The following MCTP2 variants were observed in gnomAD, a reference collection of about 807,000 sequenced individuals.
The protein encoded by MCTP2 is multiple C2 and transmembrane domain containing 2.
In MCTP2, 132 loss-of-function variants were observed where a neutral mutation model predicts 111.6. The observed-to-expected ratio is 1.18, with a 90% CI of 1.03 to 1.37. MCTP2 has a LOEUF of 1.37. MCTP2 is among the 40% of genes most tolerant of loss of function. The pLI is 0.00. For synonymous variants in MCTP2, 395 were observed against 387.7 expected (o/e 1.02, Z -0.22); for missense variants, 1,183 against 1,067.9 (o/e 1.11, Z -1.50).
intron 17 of MCTP2, among the ~76,000 whole-genome samples, chr15:94,411,662 A>G (rs2082156801): frequency 6.6e-6 from 1 of 152,168 alleles, no homozygotes; most frequent in African/African-American, 2.4e-5. Flanking sequence ...CCCTTTATCT[A>G]GGGGTTGTGT....
At chr15:94,414,509 A>G (rs2082292014) in intron 17 of MCTP2, among the ~76,000 whole-genome samples, 1 of 152,194 alleles carries the variant, frequency 6.6e-6, no homozygotes, top group Non-Finnish European at 1.5e-5. Context: ...AATGTTTATA[A>G]TAAATGGTAA....
At chr15:94,379,987 T>C (rs1195568702) in intron 12 of MCTP2, among the ~76,000 whole-genome samples, 2 of 151,138 alleles carry the variant, frequency 1.3e-5, no homozygotes. Context: ...AAGAAGGACT[T>C]ATCCATTTCT....
chr15:94,284,688 T>C (rs1191787970), intron 1 of MCTP2, among the ~76,000 whole-genome samples: 1 of 152,190 alleles, frequency 6.6e-6, no homozygotes, highest in Middle Eastern at 3.2e-3. Flanking sequence ...TGCTAGGGAA[T>C]GGTGGGAAAG....
At chr15:94,395,656 T>C (rs2081244802) in intron 14 of MCTP2, among the ~76,000 whole-genome samples, 3 of 152,214 alleles carry the variant, frequency 2.0e-5, no homozygotes. Flanking sequence ...AAATTAGTTT[T>C]ACCAACCAAC....
chr15:94,373,290 C>G (rs747425418), intron 12 of MCTP2, among the ~76,000 whole-genome samples: 1 of 152,114 alleles, frequency 6.6e-6, no homozygotes, highest in Non-Finnish European at 1.5e-5. Flanking sequence ...ATTGAATACT[C>G]ATTACTATGT....
chr15:94,302,036 A>C (rs1317571862), intron 2 of MCTP2, among the ~76,000 whole-genome samples: 1 of 152,224 alleles, frequency 6.6e-6, no homozygotes, highest in Non-Finnish European at 1.5e-5. Flanking sequence ...GTGTACAGCA[A>C]GGACAATCAG....
Position 94,358,498 on chromosome 15 carries a change from C to A in MCTP2, c.1187C>A (p.Ala396Glu). ...GTTTTCTAGACACTGTGTAAGAGTG[C>A]AAATCCGCAGTGGCAGGAACAGTTT... is the stretch of plus-strand genomic sequence containing the variant. ...RYKSKTLCKS[A>E]NPQWQEQFDF... The change falls in exon 10 of 23, where the codon GCA (alanine) becomes GAA (glutamate). Residue 396 changes from alanine to glutamate, a missense_variant. Transcript: ENST00000357742. The A allele has an allele frequency of 1.2e-6, 2 of 1,613,438 alleles. No individual in the cohort carries two copies. Among genetic ancestry groups the A allele is most frequent in the South Asian group, 2.2e-5 (2 of 91,056 alleles).
chr15:94,389,089 G>A (rs927396175), intron 14 of MCTP2, among the ~76,000 whole-genome samples: 5 of 152,172 alleles, frequency 3.3e-5, no homozygotes, highest in African/African-American at 9.7e-5. Context: ...TCACAGGAAC[G>A]AGAAAGGGCA....
intron 4 of MCTP2, among the ~76,000 whole-genome samples, chr15:94,330,367 G>A (rs1267169159): frequency 2.0e-5 from 3 of 152,146 alleles, no homozygotes; most frequent in African/African-American, 4.8e-5. Context: ...AGGAGAATGC[G>A]AGAGTATCAA....
chr15:94,358,282 G>A (rs1189161824), intron 9 of MCTP2, among the ~76,000 whole-genome samples, 200 bp from the exon 10 acceptor site: 1 of 152,050 alleles, frequency 6.6e-6, no homozygotes, highest in Non-Finnish European at 1.5e-5. Flanking sequence ...GGATCTGGGG[G>A]GCAGCTAAGA....
chr15:94,330,725 T>C (rs1031106721), intron 4 of MCTP2, among the ~76,000 whole-genome samples: 2 of 147,324 alleles, frequency 1.4e-5, no homozygotes, highest in African/African-American at 5.4e-5. Flanking sequence ...TGCAGGCATA[T>C]GGGAGTGTTT....
chr15:94,441,852 G>A (rs1303994048), intron 18 of MCTP2, among the ~76,000 whole-genome samples: 3 of 152,146 alleles, frequency 2.0e-5, no homozygotes, highest in Admixed American at 2.0e-4. Flanking sequence ...TGGCTTTCAT[G>A]AGACATGTTT....
Position 94,356,210 on chromosome 15 carries a change from T to C in MCTP2, c.1079T>C (p.Ile360Thr), listed in dbSNP as rs770758918. 2 of 1,613,548 alleles carry C rather than the reference T, an allele frequency of 1.2e-6. No homozygotes were observed. The highest frequency in any genetic ancestry group is 2.7e-5 in the African/African-American group (2 of 74,894). The change falls in exon 9 of 23, where the codon ATA (isoleucine) becomes ACA (threonine). Residue 360 changes from isoleucine to threonine, a missense_variant. Physicochemically the swap from Ile to Thr is moderately conservative, Grantham distance 89. Coordinates refer to ENST00000357742, the MANE Select transcript of MCTP2 (RefSeq NM_001385001.1). The part of the protein sequence containing the change: ...KNQLWNGIIS[I>T]TLLEGKNVSG... ...CAACTCTGGAACGGGATTATAAGTA[T>C]AACTTTGTTGGAAGGGAAGAATGTC... is the stretch of plus-strand genomic sequence containing the variant.
In MCTP2 at chr15:94,442,955, G is replaced by A. The variant is rs766701901; in HGVS notation, c.2245G>A (p.Asp749Asn). ...TDIDDEEDED[D>N]KESEKKGLIE... ...CATAGATGACGAGGAGGATGAAGAT[G>A]ACAAGGTGCGTATGTTCAAGAAAGA... The change falls in exon 19 of 23, where the codon GAC (aspartate) becomes AAC (asparagine). Residue 749 changes from aspartate to asparagine, a missense_variant. Physicochemically the swap from Asp to Asn is conservative, Grantham distance 23 (BLOSUM62 1). Transcript: ENST00000357742. 1.2e-6 allele frequency: 2 copies of A among 1,612,670 alleles called. No homozygotes were observed. The highest frequency in any genetic ancestry group is 4.5e-5 in the East Asian group (2 of 44,804).
At chr15:94,409,131 C>T (rs911300720) in intron 17 of MCTP2, among the ~76,000 whole-genome samples, 2 of 152,032 alleles carry the variant, frequency 1.3e-5, no homozygotes, top group Non-Finnish European at 2.9e-5. Flanking sequence ...AAAGGCAGAC[C>T]CACCCTTAAT....
chr15:94,304,626 T>G (rs2075797657), intron 2 of MCTP2, among the ~76,000 whole-genome samples: 1 of 152,184 alleles, frequency 6.6e-6, no homozygotes, highest in Non-Finnish European at 1.5e-5. Context: ...CAGTCAGCCT[T>G]TAGGAGAAGT....
At chr15:94,292,349 A>G (rs968954122) in intron 1 of MCTP2, among the ~76,000 whole-genome samples, 1 of 152,226 alleles carries the variant, frequency 6.6e-6, no homozygotes, top group Admixed American at 6.5e-5. Context: ...GAGAGGAAGA[A>G]ATAAAAATAC....
intron 16 of MCTP2, among the ~76,000 whole-genome samples, chr15:94,401,575 T>C (rs531581963): frequency 6.6e-6 from 1 of 152,334 alleles, no homozygotes; most frequent in East Asian, 1.9e-4. Context: ...TCTCTGCCTC[T>C]GCATGTGTCT....
At chr15:94,398,812 G>A (rs1383731356) in intron 14 of MCTP2, 149 bp from the exon 15 acceptor site, 2 of 537,458 alleles carry the variant, frequency 3.7e-6, no homozygotes, top group East Asian at 3.0e-5. Context: ...AGTAAAAGGC[G>A]ATTTATGGTG....
Sources: gnomAD v4.1 joint callset for allele counts (sites outside exome capture counted in the v4.1 genomes callset) on GRCh38, gnomAD v4.1.1 for gene constraint, MANE v1.5 for transcripts, NCBI Gene and HGNC (gene_info 2026-07-23, HGNC 2026-07-21) for gene names.